The following PLCB1 variants were observed in gnomAD, a reference collection of about 807,000 sequenced individuals.
PLCB1 encodes the protein 1-phosphatidylinositol 4,5-bisphosphate phosphodiesterase beta-1.
In PLCB1, 46 loss-of-function variants were observed where a neutral mutation model predicts 161.8. The observed-to-expected ratio is 0.28, with a 90% CI of 0.22 to 0.36. The LOEUF (loss-of-function observed/expected upper bound fraction) is 0.36. Among genes scored for constraint, PLCB1 ranks in the 10% least tolerant of loss-of-function variants. PLCB1 has a pLI of 1.00. For synonymous variants in PLCB1, 517 were observed against 503.7 expected (o/e 1.03, Z -0.35); for missense variants, 1,016 against 1,472.5 (o/e 0.69, Z 5.07).
intron 3 of PLCB1, among the ~76,000 whole-genome samples, chr20:8,501,396 G>C (rs1442569293): frequency 6.6e-6 from 1 of 152,236 alleles, no homozygotes; most frequent in African/African-American, 2.4e-5. Context: ...GTGTGTGCTT[G>C]TTGAAGAAAC....
At chr20:8,544,304 A>G (rs898958508) in intron 3 of PLCB1, among the ~76,000 whole-genome samples, 4 of 152,202 alleles carry the variant, frequency 2.6e-5, no homozygotes, top group African/African-American at 9.7e-5. Flanking sequence ...ACTGCAAAAG[A>G]TCATTTCAGG....
chr20:8,334,023 A>G (rs910414864), intron 2 of PLCB1, among the ~76,000 whole-genome samples: 1 of 152,190 alleles, frequency 6.6e-6, no homozygotes, highest in African/African-American at 2.4e-5. Context: ...CAGCATGACC[A>G]ACATAAAGAA....
intron 2 of PLCB1, among the ~76,000 whole-genome samples, chr20:8,268,300 C>A (rs1982088282): frequency 6.6e-6 from 1 of 152,100 alleles, no homozygotes; most frequent in Non-Finnish European, 1.5e-5. Context: ...ATGAACTCAT[C>A]CTTTTTTATG....
chr20:8,818,433 T>C (rs1985177583), intron 31 of PLCB1, among the ~76,000 whole-genome samples: 1 of 152,170 alleles, frequency 6.6e-6, no homozygotes, highest in Non-Finnish European at 1.5e-5. Context: ...ATTATCCCTT[T>C]CTGTTCAATG....
intron 1 of PLCB1, among the ~76,000 whole-genome samples, chr20:8,134,211 G>T (rs1310829848): frequency 6.6e-6 from 1 of 151,940 alleles, no homozygotes; most frequent in Non-Finnish European, 1.5e-5. Context: ...AATGCTTTGT[G>T]TCAGGGAAAA....
chr20:8,186,723 C>T (rs6039081), intron 2 of PLCB1, among the ~76,000 whole-genome samples: 61,777 of 151,878 alleles, frequency 0.41, 14,824 homozygotes, highest in African/African-American at 0.68. Context: ...AAAACCTGTG[C>T]GAGTGAAAAA....
chr20:8,531,477 G>A (rs1274939009), intron 3 of PLCB1, among the ~76,000 whole-genome samples: 1 of 152,042 alleles, frequency 6.6e-6, no homozygotes, highest in Non-Finnish European at 1.5e-5. Flanking sequence ...CTTAGTGTGT[G>A]TGTATTTATA....
intron 12 of PLCB1, among the ~76,000 whole-genome samples, chr20:8,710,766 G>A (rs1316795346): frequency 2.6e-5 from 4 of 151,846 alleles, no homozygotes; most frequent in South Asian, 2.1e-4. Flanking sequence ...CGCCCACCTC[G>A]GCCTCCCAAA....
chr20:8,724,240 C>T (rs891267765), intron 15 of PLCB1, among the ~76,000 whole-genome samples: 2 of 151,404 alleles, frequency 1.3e-5, no homozygotes, highest in Non-Finnish European at 2.9e-5. Flanking sequence ...AAATTACTAA[C>T]CTTAGACAAC....
chr20:8,388,938 T>C (rs996163710), intron 3 of PLCB1, among the ~76,000 whole-genome samples: 2 of 152,186 alleles, frequency 1.3e-5, no homozygotes, highest in African/African-American at 2.4e-5. Flanking sequence ...ATCAGGATGC[T>C]GGCAGGGGTT....
At chr20:8,654,756 G>T (rs1039506942) in intron 7 of PLCB1, among the ~76,000 whole-genome samples, 2 of 151,906 alleles carry the variant, frequency 1.3e-5, no homozygotes, top group African/African-American at 4.8e-5. Flanking sequence ...AAATGAATCC[G>T]TGCCATTCAC....
intron 31 of PLCB1, among the ~76,000 whole-genome samples, chr20:8,829,036 A>G (rs1329271734): frequency 6.6e-6 from 1 of 152,216 alleles, no homozygotes. Flanking sequence ...ATATAGACAT[A>G]TGCTAAAGCA....
chr20:8,782,074 T>C (rs1284523892), intron 27 of PLCB1, among the ~76,000 whole-genome samples: 2 of 152,164 alleles, frequency 1.3e-5, no homozygotes, highest in Admixed American at 6.5e-5. Context: ...TATTATAACA[T>C]TGAGACTCAA....
chr20:8,814,520 TTATC>T (rs1984987655), intron 31 of PLCB1, among the ~76,000 whole-genome samples: 2 of 150,930 alleles, frequency 1.3e-5, no homozygotes, highest in South Asian at 4.2e-4. Context: ...ATCCATCCAT[TTATC>T]CATCCATCCA....
chr20:8,778,660 G>A (rs1325101152), intron 27 of PLCB1, among the ~76,000 whole-genome samples: 1 of 152,190 alleles, frequency 6.6e-6, no homozygotes, highest in East Asian at 1.9e-4. Context: ...CAGGCCAAAT[G>A]TAAGCCACTC....
At chr20:8,592,204 T>G (rs901860972) in intron 3 of PLCB1, among the ~76,000 whole-genome samples, 1 of 152,258 alleles carries the variant, frequency 6.6e-6, no homozygotes, top group African/African-American at 2.4e-5. Context: ...TATATGTTAC[T>G]GATGAGCAAT....
chr20:8,839,630 T>C (rs535678296), intron 31 of PLCB1, among the ~76,000 whole-genome samples: 2 of 151,408 alleles, frequency 1.3e-5, no homozygotes, highest in East Asian at 3.9e-4. Context: ...AAGTGACTGG[T>C]CACAAAAATC....
intron 31 of PLCB1, among the ~76,000 whole-genome samples, chr20:8,859,252 A>G (rs1352555600): frequency 6.6e-6 from 1 of 152,260 alleles, no homozygotes; most frequent in Non-Finnish European, 1.5e-5. Context: ...ATATTTATAA[A>G]TAACATCTGC....
intron 14 of PLCB1, among the ~76,000 whole-genome samples, chr20:8,721,924 G>C (rs1979654566): frequency 1.2e-5 from 1 of 85,460 alleles, no homozygotes; most frequent in African/African-American, 5.2e-5. Flanking sequence ...CTTGGGAAAG[G>C]AGGGAAAGAT....
Sources: gnomAD v4.1 joint callset for allele counts (sites outside exome capture counted in the v4.1 genomes callset) on GRCh38, gnomAD v4.1.1 for gene constraint, MANE v1.5 for transcripts, NCBI Gene and HGNC (gene_info 2026-07-23, HGNC 2026-07-21) for gene names.